GLYATL2: variants seen among roughly 807,000 people sequenced by gnomAD.
The protein encoded by GLYATL2 is glycine N-acyltransferase-like protein 2.
GLYATL2 carries 25 observed loss-of-function variants against 21.4 expected under a neutral mutation model. That is an observed-to-expected ratio of 1.17 (90% CI 0.85 to 1.63). GLYATL2 has a LOEUF of 1.63. Among genes scored for constraint, GLYATL2 ranks in the 40% most tolerant of loss-of-function variants. The pLI is 0.00. For synonymous variants in GLYATL2, 114 were observed against 118.2 expected, an observed-to-expected ratio of 0.96 and a Z score of 0.23; for missense variants, 361 against 343.3, an observed-to-expected ratio of 1.05 and a Z score of -0.41.
upstream of GLYATL2, chr11:58,908,478 G>T: frequency 4.9e-6 from 1 of 204,328 alleles, no homozygotes. Context: ...TGAATTCCAT[G>T]AAGACTGAAG....
At chr11:58,842,363 T>C (rs1252267332) in intron 1 of GLYATL2, among the ~76,000 whole-genome samples, 1 of 152,158 alleles carries the variant, frequency 6.6e-6, no homozygotes, top group African/African-American at 2.4e-5. Flanking sequence ...ATTACAATGG[T>C]GAAGAGAAAA....
At chr11:58,904,931 A>G (rs544138449), upstream of GLYATL2, among the ~76,000 whole-genome samples, 4 of 152,178 alleles carry the variant, frequency 2.6e-5, no homozygotes, top group Non-Finnish European at 5.9e-5. Context: ...AACACTCAAT[A>G]CTGAAGGCAT....
chr11:58,878,284 G>A, intron 1 of GLYATL2: 1 of 463,758 alleles, frequency 2.2e-6, no homozygotes, highest in South Asian at 3.3e-5. Context: ...GATCTGAAGT[G>A]GAGCTTCTAG....
chr11:58,877,452 C>T (rs1431955038), intron 1 of GLYATL2, among the ~76,000 whole-genome samples: 1 of 152,130 alleles, frequency 6.6e-6, no homozygotes, highest in East Asian at 1.9e-4. Context: ...AGTCATGGGA[C>T]CAGATGGGAT....
At chr11:58,840,508 C>G (rs892104683) in intron 1 of GLYATL2, among the ~76,000 whole-genome samples, 1 of 152,010 alleles carries the variant, frequency 6.6e-6, no homozygotes, top group Non-Finnish European at 1.5e-5. Context: ...GTCTGTGTTA[C>G]AAAGTCAGGA....
chr11:58,836,738 A>G (rs1485202338), intron 5 of GLYATL2, among the ~76,000 whole-genome samples: 2 of 152,172 alleles, frequency 1.3e-5, no homozygotes, highest in Non-Finnish European at 2.9e-5. Context: ...TAAGACATAA[A>G]TAGTTTCAGT....
chr11:58,907,519 C>G (rs1056944409), upstream of GLYATL2: 1 of 384,578 alleles, frequency 2.6e-6, no homozygotes, highest in African/African-American at 2.1e-5. Context: ...AGGGGAAAAT[C>G]CAGTCCCTGT....
chr11:58,874,998 G>A (rs992472189), intron 1 of GLYATL2, among the ~76,000 whole-genome samples: 11 of 152,206 alleles, frequency 7.2e-5, no homozygotes, highest in African/African-American at 2.7e-4. Flanking sequence ...ATATATTTAG[G>A]ATAGTTAGTT....
intron 5 of GLYATL2, among the ~76,000 whole-genome samples, chr11:58,836,047 G>T (rs1018281489): frequency 1.3e-5 from 2 of 152,078 alleles, no homozygotes; most frequent in African/African-American, 4.8e-5. Context: ...ATTACTAGAG[G>T]AAAGCAAATC....
At chr11:58,851,325 T>G (rs1853737464) in intron 1 of GLYATL2, among the ~76,000 whole-genome samples, 1 of 152,210 alleles carries the variant, frequency 6.6e-6, no homozygotes, top group Non-Finnish European at 1.5e-5. Flanking sequence ...CACTACCCTT[T>G]TTAGCATCCA....
At chr11:58,880,550 A>C (rs550815471) in intron 1 of GLYATL2, among the ~76,000 whole-genome samples, 112 of 152,232 alleles carry the variant, frequency 7.4e-4, no homozygotes, top group Non-Finnish European at 1.3e-3. Context: ...CAAAACTTTA[A>C]AGGAGAAGAC....
At chr11:58,858,698 A>G (rs1275813248) in intron 1 of GLYATL2, among the ~76,000 whole-genome samples, 1 of 152,242 alleles carries the variant, frequency 6.6e-6, no homozygotes, top group Non-Finnish European at 1.5e-5. Flanking sequence ...ATATTATGCC[A>G]GATTACAGCA....
upstream of GLYATL2, among the ~76,000 whole-genome samples, chr11:58,848,891 T>C (rs1275660833): frequency 6.6e-6 from 1 of 151,880 alleles, no homozygotes; most frequent in Non-Finnish European, 1.5e-5. Context: ...CCAAAGACTA[T>C]CTCAAGGCAT....
At chr11:58,847,472 G>C (rs1943290), upstream of GLYATL2, among the ~76,000 whole-genome samples, 1 of 152,120 alleles carries the variant, frequency 6.6e-6, no homozygotes, top group Admixed American at 6.5e-5. Context: ...CCCACTGCCC[G>C]GAAAGGTGAG....
At chr11:58,865,496 T>C (rs1167938855) in intron 1 of GLYATL2, among the ~76,000 whole-genome samples, 1 of 149,094 alleles carries the variant, frequency 6.7e-6, no homozygotes, top group East Asian at 2.2e-4. Flanking sequence ...AGCCACAAAA[T>C]GCAGTATTTA....
At chr11:58,881,276 C>A (rs1854329337) in intron 1 of GLYATL2, among the ~76,000 whole-genome samples, 1 of 152,140 alleles carries the variant, frequency 6.6e-6, no homozygotes, top group Admixed American at 6.5e-5. Context: ...ATTCATTAAA[C>A]AACTTAAAAA....
intron 1 of GLYATL2, among the ~76,000 whole-genome samples, chr11:58,842,485 TG>T (rs1853571287): frequency 2.1e-5 from 3 of 141,746 alleles, no homozygotes; most frequent in Admixed American, 2.1e-4. Context: ...TCTGTGTGTG[TG>T]TGTGTGTGTG....
intron 1 of GLYATL2, among the ~76,000 whole-genome samples, chr11:58,894,405 G>A (rs1854599225): frequency 7.2e-6 from 1 of 139,344 alleles, no homozygotes; most frequent in Non-Finnish European, 1.5e-5. Flanking sequence ...CGAACAAAAT[G>A]TGGCTTCCTT....
intron 1 of GLYATL2, among the ~76,000 whole-genome samples, chr11:58,883,069 GT>G (rs1854369846): frequency 6.6e-6 from 1 of 152,136 alleles, no homozygotes; most frequent in Non-Finnish European, 1.5e-5. Context: ...GAACTTTAAA[GT>G]ATTTTTTTCC....
Sources: allele counts gnomAD v4.1 joint callset (sites outside exome capture counted in the v4.1 genomes callset), GRCh38; gene constraint gnomAD v4.1.1; transcripts MANE v1.5; gene names NCBI Gene and HGNC (gene_info 2026-07-23, HGNC 2026-07-21).